Variants in CDC20B observed in about 807,000 individuals in gnomAD.
CDC20B encodes cell division cycle protein 20 homolog B.
A neutral mutation model predicts 64.1 loss-of-function variants in CDC20B; 58 were observed. The ratio of observed to expected loss-of-function variants is 0.90; its 90% confidence interval spans 0.73 to 1.13. CDC20B has a LOEUF of 1.13. CDC20B is among the 50% of genes most tolerant of loss of function. CDC20B has a pLI of 0.00. For synonymous variants in CDC20B, 243 were observed against 230.6 expected, an observed-to-expected ratio of 1.05 and a Z score of -0.49; for missense variants, 597 against 633.0, an observed-to-expected ratio of 0.94 and a Z score of 0.61.
At chr5:55,172,127 T>G (rs1184433299) in intron 2 of CDC20B, 3 of 160,480 alleles carry the variant, frequency 1.9e-5, no homozygotes, top group African/African-American at 4.8e-5. Flanking sequence ...ACTAAAGACC[T>G]TTGGGTTTGG....
chr5:55,143,972 G>C (rs1421583830), intron 3 of CDC20B, among the ~76,000 whole-genome samples: 1 of 145,888 alleles, frequency 6.9e-6, no homozygotes, highest in Non-Finnish European at 1.5e-5. Context: ...CAGCAGCAGT[G>C]TGAATGCTTT....
At chr5:55,146,382 A>G (rs887243167) in intron 3 of CDC20B, among the ~76,000 whole-genome samples, 3 of 152,236 alleles carry the variant, frequency 2.0e-5, no homozygotes, top group Non-Finnish European at 4.4e-5. Context: ...TCTTTGCACA[A>G]TTAACTTTGT....
At chr5:55,124,468 A>T (rs1332476519) in intron 9 of CDC20B, among the ~76,000 whole-genome samples, 1 of 152,192 alleles carries the variant, frequency 6.6e-6, no homozygotes, top group Non-Finnish European at 1.5e-5. Flanking sequence ...AGCTAAAAAG[A>T]TGGGCCCAAA....
At chr5:55,143,414 G>C (rs930002394) in intron 4 of CDC20B, 99 bp downstream of exon 4, 24 of 1,214,500 alleles carry the variant, frequency 2.0e-5, no homozygotes, top group South Asian at 8.9e-5. Context: ...TTTTCTTATT[G>C]ATTGGTAAGA....
intron 2 of CDC20B, chr5:55,172,354 T>C (rs1486427217): frequency 4.1e-6 from 2 of 486,256 alleles, no homozygotes; most frequent in South Asian, 2.4e-5. Context: ...ACATCCCAGC[T>C]TTATCCTTTG....
chr5:55,143,618 G>T lies in CDC20B; in HGVS notation c.381C>A (p.Thr127=). The T allele has an allele frequency of 6.2e-7, 1 of 1,603,922 alleles. No homozygotes were observed. The highest frequency in any genetic ancestry group is 8.5e-7 in the Non-Finnish European group (1 of 1,175,244). The change falls in exon 4 of 12, where the codon ACC becomes ACA. Residue 127 remains threonine, a synonymous_variant. Transcript: ENST00000381375. The part of the protein sequence containing the change: ...TLGSRKEQLK[T]PSKGISETSN... ...TTGTTTCAGAAATTCCTTTGCTGGG[G>T]GTCTTCAGTTGTTCTTTGCGGGATC...
chr5:55,162,373 C>T lies in CDC20B; in HGVS notation c.126+10215G>A, dbSNP rs141419363. ...TCGCGCTACTGCACTCCAGCCTGGG[C>T]GACAGAGCAAGCCTGCATCTTAAAT... is the stretch of plus-strand genomic sequence containing the variant. On this transcript the variant is annotated intron_variant, in intron 2 of 11. Coordinates refer to ENST00000381375, the MANE Select transcript of CDC20B (RefSeq NM_001170402.1). 1.3e-3 allele frequency among the ~76,000 whole-genome samples: 192 copies of T among 152,204 alleles called. 1 individual carries two copies. Among genetic ancestry groups the T allele is most frequent in the Non-Finnish European group, 2.6e-3 (174 of 68,000 alleles).
chr5:55,161,532 C>T, intron 2 of CDC20B, among the ~76,000 whole-genome samples: 1 of 152,160 alleles, frequency 6.6e-6, no homozygotes, highest in South Asian at 2.1e-4. Context: ...GTGCCCATGG[C>T]TATTTTCACA....
chr5:55,114,189 A>G lies in CDC20B; in HGVS notation c.*29T>C. On this transcript the variant is annotated 3_prime_UTR_variant, in exon 12 of 12. Coordinates refer to ENST00000381375, the MANE Select transcript of CDC20B (RefSeq NM_001170402.1). The surrounding 1 kb of genome is among the most constrained non-coding windows in gnomAD (Gnocchi z 4.1). ...ACATCATCATCTTCACTCAGAAATA[A>G]GGAAACTGAAACCTAGAGGGGCTGG... 1 of 1,604,308 alleles carries G rather than the reference A, an allele frequency of 6.2e-7. No individual in the cohort carries two copies. The highest frequency in any genetic ancestry group is 8.5e-7 in the Non-Finnish European group (1 of 1,175,404).
chr5:55,170,806 G>A (rs566581522), intron 2 of CDC20B: 1 of 459,598 alleles, frequency 2.2e-6, no homozygotes, highest in Admixed American at 2.3e-5. Context: ...CATAGTGGCA[G>A]AACTCTAATC....
intron 8 of CDC20B, among the ~76,000 whole-genome samples, chr5:55,125,533 ACTT>A (rs1467901768): frequency 6.6e-6 from 1 of 152,346 alleles, no homozygotes; most frequent in East Asian, 1.9e-4. Context: ...AAAGAACTAA[ACTT>A]CTTTGTAAAA....
chr5:55,129,118 G>A (rs984961436), intron 6 of CDC20B, among the ~76,000 whole-genome samples: 1 of 152,106 alleles, frequency 6.6e-6, no homozygotes, highest in Non-Finnish European at 1.5e-5. Context: ...TGACTGCTAA[G>A]AGAAAACATA....
chr5:55,121,719 G>T (rs1742761771), intron 9 of CDC20B, among the ~76,000 whole-genome samples: 2 of 152,022 alleles, frequency 1.3e-5, no homozygotes, highest in Non-Finnish European at 2.9e-5. Flanking sequence ...CTGGCTAAAG[G>T]TTACATGAAG....
intron 2 of CDC20B, among the ~76,000 whole-genome samples, chr5:55,171,831 T>C (rs1465653425): frequency 6.6e-6 from 1 of 152,070 alleles, no homozygotes; most frequent in Non-Finnish European, 1.5e-5. Flanking sequence ...TCTTGAAGTC[T>C]TGGCCTCAAG....
intron 2 of CDC20B, among the ~76,000 whole-genome samples, chr5:55,171,083 G>T (rs535365428): frequency 1.3e-5 from 2 of 152,220 alleles, no homozygotes; most frequent in Non-Finnish European, 2.9e-5. Context: ...GGAGGCCAAG[G>T]TTGGCTGATC....
chr5:55,149,696 G>T (rs1743606935), intron 2 of CDC20B, among the ~76,000 whole-genome samples: 1 of 152,232 alleles, frequency 6.6e-6, no homozygotes, highest in Non-Finnish European at 1.5e-5. Context: ...CATTGTCAGG[G>T]ATTAGGGGAG....
chr5:55,122,028 C>T (rs1443469551), intron 9 of CDC20B, among the ~76,000 whole-genome samples: 3 of 152,188 alleles, frequency 2.0e-5, no homozygotes, highest in African/African-American at 7.2e-5. Flanking sequence ...CATACTTACT[C>T]CTACCCATAG....
intron 6 of CDC20B, among the ~76,000 whole-genome samples, 169 bp downstream of exon 6, chr5:55,133,243 T>C (rs981063355): frequency 6.6e-5 from 10 of 152,200 alleles, no homozygotes; most frequent in Non-Finnish European, 1.5e-4. Flanking sequence ...TCCCTAAATA[T>C]GAAAGTTGCA....
At chr5:55,147,014 A>G (rs1743503033) in intron 2 of CDC20B, among the ~76,000 whole-genome samples, 158 bp from the exon 3 acceptor site, 1 of 148,918 alleles carries the variant, frequency 6.7e-6, no homozygotes, top group Non-Finnish European at 1.5e-5. Context: ...ATTATTTTAT[A>G]TATTTGTATA....
Sources: gnomAD v4.1 joint callset for allele counts (sites outside exome capture counted in the v4.1 genomes callset) on GRCh38, gnomAD v4.1.1 for gene constraint, Gnocchi (gnomAD v3.1) non-coding constraint, MANE v1.5 for transcripts, NCBI Gene and HGNC (gene_info 2026-07-23, HGNC 2026-07-21) for gene names.